Variants in KIAA1328 observed in about 807,000 individuals in gnomAD.
KIAA1328 encodes the protein protein hinderin.
In KIAA1328, 52 loss-of-function variants were observed where a neutral mutation model predicts 68.1. The ratio of observed to expected loss-of-function variants is 0.76; its 90% CI spans 0.61 to 0.96. The LOEUF is 0.96. Among genes scored for constraint, KIAA1328 ranks in the 40% least tolerant of loss-of-function variants. The pLI is 0.00. For missense variants in KIAA1328, 641 were observed against 677.6 expected (o/e 0.95, Z 0.60); for synonymous variants, 232 against 239.4 (o/e 0.97, Z 0.28).
intron 9 of KIAA1328, among the ~76,000 whole-genome samples, chr18:37,205,408 C>T (rs974162476): frequency 1.3e-5 from 2 of 152,110 alleles, no homozygotes; most frequent in African/African-American, 4.8e-5. Flanking sequence ...ATAAAGGGGT[C>T]TCTCTTTAGG....
intron 6 of KIAA1328, among the ~76,000 whole-genome samples, chr18:37,040,421 G>A (rs978119420): frequency 6.6e-6 from 1 of 151,728 alleles, no homozygotes; most frequent in Non-Finnish European, 1.5e-5. Flanking sequence ...CTGACTTTAT[G>A]GTCTCCTCTT....
chr18:37,058,128 C>G (rs1007446918), intron 6 of KIAA1328, among the ~76,000 whole-genome samples: 4 of 152,062 alleles, frequency 2.6e-5, no homozygotes, highest in Admixed American at 6.6e-5. Context: ...TCTGTAGGGG[C>G]TACATGTGGA....
chr18:37,054,538 A>G (rs1261248125), intron 6 of KIAA1328, among the ~76,000 whole-genome samples: 1 of 152,244 alleles, frequency 6.6e-6, no homozygotes, highest in Admixed American at 6.5e-5. Flanking sequence ...AGAGGCCATT[A>G]TCCTACGCAA....
chr18:37,219,115 C>G (rs879033975), intron 9 of KIAA1328, among the ~76,000 whole-genome samples: 2 of 152,202 alleles, frequency 1.3e-5, no homozygotes, highest in East Asian at 3.8e-4. Flanking sequence ...CCACTCCAGA[C>G]CCTGTTTGCC....
intron 8 of KIAA1328, among the ~76,000 whole-genome samples, chr18:37,165,544 T>G (rs2059370905): frequency 6.6e-6 from 1 of 151,172 alleles, no homozygotes; most frequent in Admixed American, 6.6e-5. Context: ...CTCAGCCTCC[T>G]GAGTAGCTGG....
At chr18:36,968,320 T>C (rs573712992) in intron 6 of KIAA1328, among the ~76,000 whole-genome samples, 1 of 151,854 alleles carries the variant, frequency 6.6e-6, no homozygotes, top group Non-Finnish European at 1.5e-5. Context: ...AGGCACAGAG[T>C]AGCAAACTGA....
At chr18:37,129,848 G>T (rs1221165520) in intron 7 of KIAA1328, among the ~76,000 whole-genome samples, 1 of 152,164 alleles carries the variant, frequency 6.6e-6, no homozygotes, top group East Asian at 1.9e-4. Context: ...GGCCAGAGGT[G>T]AAGTCTGTGA....
intron 7 of KIAA1328, among the ~76,000 whole-genome samples, chr18:37,070,581 T>G (rs1451199913): frequency 6.6e-6 from 1 of 151,816 alleles, no homozygotes; most frequent in Non-Finnish European, 1.5e-5. Context: ...CAGTAATTTT[T>G]TTTTTTTTTT....
Position 37,062,034 on chromosome 18 carries a change from C to T in KIAA1328, c.577-4856C>T, listed in dbSNP as rs146774189. Among the ~76,000 whole-genome samples, 362 of 152,234 alleles carry T rather than the reference C, an allele frequency of 2.4e-3. 1 individual carries two copies. Among genetic ancestry groups the T allele is most frequent in the African/African-American group, 8.1e-3 (336 of 41,550 alleles). On this transcript the variant is annotated intron_variant, in intron 6 of 9. Transcript: ENST00000280020. ...AACTTTATGTTAGATATGGTCCACGCGCTTTATATGTATTACTTCATTTAA... is the reference window on the plus strand; with the variant it reads ...AACTTTATGTTAGATATGGTCCACGTGCTTTATATGTATTACTTCATTTAA...
chr18:36,877,301 G>A (rs1259500276), intron 4 of KIAA1328, among the ~76,000 whole-genome samples: 1 of 152,050 alleles, frequency 6.6e-6, no homozygotes, highest in African/African-American at 2.4e-5. Flanking sequence ...TATTGTGTGG[G>A]AGTCTAAGTC....
intron 9 of KIAA1328, 112 bp downstream of exon 9, chr18:37,173,193 A>C: frequency 2.7e-6 from 2 of 748,834 alleles, no homozygotes; most frequent in Non-Finnish European, 4.2e-6. Flanking sequence ...ATTCTTTCTC[A>C]AGAGAGGTCC....
rs1045961960 is a variant in KIAA1328, at chr18:37,008,455, A to G, written c.576+49020A>G. 2.0e-5 allele frequency among the ~76,000 whole-genome samples: 3 copies of G among 152,220 alleles called. No individual in the cohort carries two copies. In the East Asian group the frequency reaches 5.8e-4, roughly 29 times the overall value. ...GATTATAACAAGTCATAGGACCCAT[A>G]GCCTGCGCAACATAACATTTTAAAT... On this transcript the variant is annotated intron_variant, in intron 6 of 9. Transcript: ENST00000280020.
In KIAA1328 at chr18:37,214,582, G is replaced by A. The variant is rs145409330; in HGVS notation, c.1524-7435G>A. ...GTAGTATAGTTTGAAGTCAGGTATCGTGATGCCTCCAGCTTTGTTCTTTTT... is the reference window on the plus strand; with the variant it reads ...GTAGTATAGTTTGAAGTCAGGTATCATGATGCCTCCAGCTTTGTTCTTTTT... On this transcript the variant is annotated intron_variant, in intron 9 of 9. Coordinates refer to ENST00000280020, the MANE Select transcript of KIAA1328 (RefSeq NM_020776.3). 6.0e-3 allele frequency among the ~76,000 whole-genome samples: 908 copies of A among 152,238 alleles called. 11 individuals are homozygous for A. Among genetic ancestry groups the A allele is most frequent in the African/African-American group, 0.02 (841 of 41,544 alleles).
In KIAA1328 at chr18:36,968,876, A is replaced by G. The variant is rs564803802; in HGVS notation, c.576+9441A>G. Among the ~76,000 whole-genome samples, 3 of 152,340 alleles carry G rather than the reference A, an allele frequency of 2.0e-5. No individual in the cohort carries two copies. In the South Asian group the frequency reaches 6.2e-4, roughly 32 times the overall value. ...TACAACATAATCTAAAATTGGTCAA[A>G]CAATTGGACATAAAACAATCTGCAG... On this transcript the variant is annotated intron_variant, in intron 6 of 9. Coordinates refer to ENST00000280020, the MANE Select transcript of KIAA1328 (RefSeq NM_020776.3).
chr18:36,974,221 T>G (rs1371232351), intron 6 of KIAA1328, among the ~76,000 whole-genome samples: 1 of 152,182 alleles, frequency 6.6e-6, no homozygotes, highest in Non-Finnish European at 1.5e-5. Flanking sequence ...TACATGGCTA[T>G]ATTATGTAGG....
chr18:36,905,307 T>G (rs1389541617), intron 5 of KIAA1328, among the ~76,000 whole-genome samples: 1 of 151,940 alleles, frequency 6.6e-6, no homozygotes, highest in Admixed American at 6.6e-5. Flanking sequence ...GAGATGAGTT[T>G]CATCGTGTTG....
chr18:36,934,462 C>T (rs1396449339), intron 5 of KIAA1328, among the ~76,000 whole-genome samples: 1 of 152,238 alleles, frequency 6.6e-6, no homozygotes. Flanking sequence ...CCTCCCTCCT[C>T]CCTCCACCCC....
At chr18:36,936,878 A>G (rs12454417) in intron 5 of KIAA1328, among the ~76,000 whole-genome samples, 90,627 of 152,034 alleles carry the variant, frequency 0.6, 28,868 homozygotes, top group East Asian at 0.87. Flanking sequence ...TATGGAATCA[A>G]AGAAGACACT....
intron 9 of KIAA1328, among the ~76,000 whole-genome samples, chr18:37,208,861 G>A (rs1293382541): frequency 6.6e-6 from 1 of 152,182 alleles, no homozygotes; most frequent in Non-Finnish European, 1.5e-5. Context: ...GGAATAAAGG[G>A]AGAGATATTA....
Sources: allele counts gnomAD v4.1 joint callset (sites outside exome capture counted in the v4.1 genomes callset), GRCh38; gene constraint gnomAD v4.1.1; transcripts MANE v1.5; gene names NCBI Gene and HGNC (gene_info 2026-07-23, HGNC 2026-07-21).